SEMA3A: variants seen among roughly 807,000 people sequenced by gnomAD.
The protein encoded by SEMA3A is semaphorin-3A.
SEMA3A carries 29 observed loss-of-function variants against 97.9 expected under a neutral mutation model. That is an observed-to-expected ratio of 0.30 (90% confidence interval 0.22 to 0.40). The LOEUF is 0.40. SEMA3A is among the 10% of genes least tolerant of loss of function. SEMA3A has a pLI of 1.00. For synonymous variants in SEMA3A, 321 were observed against 323.7 expected (o/e 0.99, Z 0.09); for missense variants, 763 against 951.3 (o/e 0.80, Z 2.60).
intron 3 of SEMA3A, among the ~76,000 whole-genome samples, chr7:84,261,924 C>T (rs1799865367): frequency 6.6e-6 from 1 of 151,998 alleles, no homozygotes; most frequent in South Asian, 2.1e-4. Context: ...CACTTATAGT[C>T]ATTCTTTTAA....
intron 2 of SEMA3A, among the ~76,000 whole-genome samples, chr7:84,359,272 G>A (rs1207646108): frequency 6.6e-6 from 1 of 151,888 alleles, no homozygotes; most frequent in East Asian, 1.9e-4. Context: ...ATTGGCTGTG[G>A]GTTTGTCATA....
chr7:84,376,917 T>A (rs948616458), intron 1 of SEMA3A, among the ~76,000 whole-genome samples: 1 of 152,200 alleles, frequency 6.6e-6, no homozygotes, highest in African/African-American at 2.4e-5. Context: ...ATATTATGGG[T>A]GATAATCCAT....
At chr7:84,433,060 T>C (rs1352316910) in intron 1 of SEMA3A, among the ~76,000 whole-genome samples, 1 of 151,718 alleles carries the variant, frequency 6.6e-6, no homozygotes, top group Non-Finnish European at 1.5e-5. Flanking sequence ...CTATCACCTG[T>C]TATTTGACTT....
intron 1 of SEMA3A, among the ~76,000 whole-genome samples, chr7:84,452,821 T>C (rs1488078132): frequency 6.6e-6 from 1 of 152,174 alleles, no homozygotes; most frequent in Non-Finnish European, 1.5e-5. Context: ...ACCAGAGGTG[T>C]CATTTTTCTT....
At chr7:84,402,023 T>C (rs1202605770) in intron 1 of SEMA3A, among the ~76,000 whole-genome samples, 1 of 152,152 alleles carries the variant, frequency 6.6e-6, no homozygotes, top group Non-Finnish European at 1.5e-5. Context: ...TAAAAGCTTC[T>C]ACACAGCAAA....
At chr7:84,327,455 A>C (rs530826040) in intron 2 of SEMA3A, among the ~76,000 whole-genome samples, 3 of 152,022 alleles carry the variant, frequency 2.0e-5, no homozygotes, top group African/African-American at 7.2e-5. Flanking sequence ...GTAGTGGGAA[A>C]TAATGAACCA....
intron 1 of SEMA3A, among the ~76,000 whole-genome samples, chr7:84,380,546 T>C (rs1803232528): frequency 6.6e-6 from 1 of 152,160 alleles, no homozygotes; most frequent in Admixed American, 6.5e-5. Flanking sequence ...ATGGAGATTA[T>C]GAATAAATTC....
At chr7:84,225,499 T>C (rs930737326) in intron 3 of SEMA3A, among the ~76,000 whole-genome samples, 5 of 152,118 alleles carry the variant, frequency 3.3e-5, no homozygotes. Flanking sequence ...CTGCCATTAG[T>C]GGAATATCTC....
At chr7:84,350,592 C>T (rs1802413504) in intron 2 of SEMA3A, among the ~76,000 whole-genome samples, 1 of 152,024 alleles carries the variant, frequency 6.6e-6, no homozygotes, top group Non-Finnish European at 1.5e-5. Flanking sequence ...GATGTGTTTA[C>T]TAGTAAAAAT....
intron 4 of SEMA3A, among the ~76,000 whole-genome samples, chr7:84,110,153 C>T (rs1204872036): frequency 6.6e-6 from 1 of 152,066 alleles, no homozygotes; most frequent in Non-Finnish European, 1.5e-5. Flanking sequence ...AGAAGGCTGG[C>T]AATATACAAA....
rs1791666767 is a variant in SEMA3A, at chr7:84,029,667, AG to A, written c.668-15317del. On this transcript the variant is annotated intron_variant, in intron 6 of 16. Transcript: ENST00000265362. ...CATTATTATGCTTTTGAATTACATT[AG>A]GTATAAACCTAGTGTGTGATTAGAT... Among the ~76,000 whole-genome samples the A allele has an allele frequency of 2.6e-5, 4 of 152,132 alleles. No individual in the cohort carries two copies. The South Asian group carries it at 8.3e-4, about 31-fold the overall frequency.
chr7:84,115,675 C>T lies in SEMA3A; in HGVS notation c.334-5086G>A, dbSNP rs557147340. 1.9e-3 allele frequency among the ~76,000 whole-genome samples: 295 copies of T among 152,180 alleles called. 1 individual carries two copies. Among genetic ancestry groups the T allele is most frequent in the African/African-American group, 6.6e-3 (275 of 41,526 alleles). On this transcript the variant is annotated intron_variant, in intron 3 of 16. Coordinates refer to ENST00000265362, the MANE Select transcript of SEMA3A (RefSeq NM_006080.3). ...ATTTGATTGTGGTCCATTATATGTACCTAGCATAACCTTTCTTCACCTCAT... is the reference window on the plus strand; with the variant it reads ...ATTTGATTGTGGTCCATTATATGTATCTAGCATAACCTTTCTTCACCTCAT...
intron 3 of SEMA3A, among the ~76,000 whole-genome samples, chr7:84,290,767 G>T (rs532361294): frequency 6.6e-6 from 1 of 152,124 alleles, no homozygotes; most frequent in Non-Finnish European, 1.5e-5. Flanking sequence ...ACCTCTACTG[G>T]ACCACTTCAT....
At chr7:84,409,038 G>T (rs992366236) in intron 1 of SEMA3A, among the ~76,000 whole-genome samples, 9 of 148,602 alleles carry the variant, frequency 6.1e-5, no homozygotes, top group African/African-American at 2.2e-4. Context: ...AAAACTTAAA[G>T]TATAATAATA....
chr7:84,267,360 T>G (rs1266427032), intron 3 of SEMA3A, among the ~76,000 whole-genome samples: 1 of 152,102 alleles, frequency 6.6e-6, no homozygotes, highest in African/African-American at 2.4e-5. Flanking sequence ...ACGAGCACAA[T>G]TAACAACTTC....
At chr7:84,443,266 CA>C (rs1289401750) in intron 1 of SEMA3A, among the ~76,000 whole-genome samples, 1 of 152,010 alleles carries the variant, frequency 6.6e-6, no homozygotes. Context: ...ATAGATCACA[CA>C]AAGTACAAGG....
intron 1 of SEMA3A, among the ~76,000 whole-genome samples, chr7:84,188,452 CTTAA>C (rs1439667239): frequency 6.6e-6 from 1 of 151,898 alleles, no homozygotes; most frequent in African/African-American, 2.4e-5. Context: ...CTTCTATATG[CTTAA>C]TTAAGATAAC....
intron 2 of SEMA3A, among the ~76,000 whole-genome samples, chr7:84,348,583 A>G (rs565403039): frequency 4.6e-5 from 7 of 152,196 alleles, no homozygotes; most frequent in Non-Finnish European, 1.0e-4. Context: ...AGTTACATGA[A>G]TTTCAAGAAA....
intron 2 of SEMA3A, among the ~76,000 whole-genome samples, chr7:84,355,854 T>C (rs1271042297): frequency 6.6e-6 from 1 of 151,920 alleles, no homozygotes; most frequent in Non-Finnish European, 1.5e-5. Flanking sequence ...TGCCTGAGAA[T>C]GTAATTTCTT....
Sources: allele counts gnomAD v4.1 joint callset (sites outside exome capture counted in the v4.1 genomes callset), GRCh38; gene constraint gnomAD v4.1.1; transcripts MANE v1.5; gene names NCBI Gene and HGNC (gene_info 2026-07-23, HGNC 2026-07-21).